Variants in CNTNAP5 observed in about 807,000 individuals in gnomAD.
CNTNAP5 encodes the protein contactin-associated protein-like 5.
A neutral mutation model predicts 150.2 loss-of-function variants in CNTNAP5; 72 were observed. The observed-to-expected ratio is 0.48, with a 90% confidence interval of 0.40 to 0.58. The LOEUF is 0.58. Among genes scored for constraint, CNTNAP5 ranks in the 20% least tolerant of loss-of-function variants. The probability of loss-of-function intolerance (pLI) is 0.00; values close to 1 mark genes in which losing one functional copy is unlikely to be tolerated. For missense variants in CNTNAP5, 1,636 were observed against 1,626.2 expected, an observed-to-expected ratio of 1.01 and a Z score of -0.10; for synonymous variants, 672 against 619.8, an observed-to-expected ratio of 1.08 and a Z score of -1.25.
At chr2:124,120,994 C>T (rs1683546895) in intron 1 of CNTNAP5, among the ~76,000 whole-genome samples, 1 of 152,044 alleles carries the variant, frequency 6.6e-6, no homozygotes, top group South Asian at 2.1e-4. Flanking sequence ...CTGGTGTTAA[C>T]AATAGTGCCA....
intron 1 of CNTNAP5, among the ~76,000 whole-genome samples, chr2:124,194,764 C>T (rs919724592): frequency 1.3e-5 from 2 of 150,926 alleles, no homozygotes; most frequent in African/African-American, 4.9e-5. Flanking sequence ...AATGTAGTAA[C>T]AATATATAAT....
intron 3 of CNTNAP5, among the ~76,000 whole-genome samples, chr2:124,256,638 T>C (rs2104595812): frequency 6.6e-6 from 1 of 152,284 alleles, no homozygotes; most frequent in Admixed American, 6.5e-5. Flanking sequence ...AATGAGTTTA[T>C]TTGGAGAAAA....
intron 3 of CNTNAP5, among the ~76,000 whole-genome samples, chr2:124,408,455 C>T (rs1470644662): frequency 2.0e-5 from 3 of 152,182 alleles, no homozygotes; most frequent in African/African-American, 7.2e-5. Flanking sequence ...AAAAAGACAG[C>T]AGTAACCTCT....
In CNTNAP5 at chr2:124,304,872, G is replaced by A. The variant is rs144296918; in HGVS notation, c.381+62479G>A. Among the ~76,000 whole-genome samples, 672 of 152,156 alleles carry A rather than the reference G, an allele frequency of 4.4e-3. 8 individuals are homozygous for A. The highest frequency in any genetic ancestry group is 0.012 in the African/African-American group (489 of 41,502). On this transcript the variant is annotated intron_variant, in intron 3 of 23. Transcript: ENST00000682447. ...CCCTATGCGAGGCACTTGGGTTCGC[G>A]GAGGGAATGCACAGCCCTGGCCCCC... is the stretch of plus-strand genomic sequence containing the variant.
chr2:124,857,681 A>G (rs993420372), intron 19 of CNTNAP5, among the ~76,000 whole-genome samples: 2 of 152,078 alleles, frequency 1.3e-5, no homozygotes, highest in African/African-American at 2.4e-5. Flanking sequence ...AAAGAAAAAA[A>G]AATGAATAGT....
intron 3 of CNTNAP5, among the ~76,000 whole-genome samples, chr2:124,356,634 G>A (rs368489765): frequency 4.6e-5 from 7 of 152,042 alleles, no homozygotes; most frequent in African/African-American, 9.6e-5. Context: ...AAGGACATGA[G>A]CTCATCATTT....
chr2:124,769,987 T>A (rs918215486), intron 16 of CNTNAP5, among the ~76,000 whole-genome samples: 1 of 152,194 alleles, frequency 6.6e-6, no homozygotes, highest in African/African-American at 2.4e-5. Flanking sequence ...CTATTTTTAT[T>A]GAATTTTACT....
At chr2:124,306,235 C>T (rs1688687326) in intron 3 of CNTNAP5, among the ~76,000 whole-genome samples, 1 of 152,112 alleles carries the variant, frequency 6.6e-6, no homozygotes, top group Non-Finnish European at 1.5e-5. Flanking sequence ...TTCCTCTCTT[C>T]CTCCCCAAAG....
chr2:124,451,475 T>C (rs1050824186), intron 6 of CNTNAP5, among the ~76,000 whole-genome samples: 14 of 152,042 alleles, frequency 9.2e-5, no homozygotes, highest in African/African-American at 3.4e-4. Flanking sequence ...AAAATCTATA[T>C]AATTATGTCA....
At chr2:124,083,130 A>G (rs2104676911) in intron 1 of CNTNAP5, among the ~76,000 whole-genome samples, 1 of 152,188 alleles carries the variant, frequency 6.6e-6, no homozygotes, top group East Asian at 1.9e-4. Flanking sequence ...AGGGCAGATC[A>G]TGAGGCCAAG....
intron 13 of CNTNAP5, among the ~76,000 whole-genome samples, chr2:124,711,536 G>T (rs891441379): frequency 2.6e-5 from 4 of 152,046 alleles, no homozygotes; most frequent in African/African-American, 9.7e-5. Context: ...CAGCAAACAG[G>T]CAACATGGCT....
At chr2:124,771,187 G>T (rs1478287162) in intron 16 of CNTNAP5, among the ~76,000 whole-genome samples, 1 of 152,112 alleles carries the variant, frequency 6.6e-6, no homozygotes, top group Non-Finnish European at 1.5e-5. Flanking sequence ...TTTAAATCTG[G>T]CAGTTGATGA....
chr2:124,817,106 C>T (rs549058768), intron 19 of CNTNAP5, among the ~76,000 whole-genome samples: 1 of 152,240 alleles, frequency 6.6e-6, no homozygotes, highest in East Asian at 1.9e-4. Flanking sequence ...CTTATATTAA[C>T]ACTAAACAAA....
chr2:124,685,767 C>CGT (rs1169030258), intron 13 of CNTNAP5, among the ~76,000 whole-genome samples: 3 of 150,756 alleles, frequency 2.0e-5, no homozygotes, highest in Middle Eastern at 3.2e-3. Flanking sequence ...TGTGTGCGCG[C>CGT]GCGTGTTATT....
intron 2 of CNTNAP5, among the ~76,000 whole-genome samples, chr2:124,233,043 T>A (rs1193693365): frequency 4.3e-5 from 1 of 23,160 alleles, no homozygotes; most frequent in Non-Finnish European, 1.1e-4. Context: ...ATCTGTGGGT[T>A]TTTTTTTTTT....
At chr2:124,525,399 G>A (rs1240880181) in intron 9 of CNTNAP5, among the ~76,000 whole-genome samples, 6 of 152,180 alleles carry the variant, frequency 3.9e-5, no homozygotes, top group Non-Finnish European at 8.8e-5. Context: ...ACATGGCAGG[G>A]GATGGGGAAA....
chr2:124,187,008 G>A (rs1378864816), intron 1 of CNTNAP5, among the ~76,000 whole-genome samples: 2 of 152,138 alleles, frequency 1.3e-5, no homozygotes, highest in African/African-American at 2.4e-5. Context: ...TGAGTTTGGG[G>A]CCTGACACTT....
At chr2:124,176,764 G>A (rs1466580109) in intron 1 of CNTNAP5, among the ~76,000 whole-genome samples, 1 of 151,664 alleles carries the variant, frequency 6.6e-6, no homozygotes, top group African/African-American at 2.4e-5. Context: ...TGGGCATGGG[G>A]CAGAACTTTC....
chr2:124,400,684 T>TG (rs1691395455), intron 3 of CNTNAP5, among the ~76,000 whole-genome samples: 24 of 130,448 alleles, frequency 1.8e-4, no homozygotes, highest in African/African-American at 3.3e-4. Flanking sequence ...TTTTTTTTTT[T>TG]TTTTGTTTTT....
Sources: gnomAD v4.1 joint callset for allele counts (sites outside exome capture counted in the v4.1 genomes callset) on GRCh38, gnomAD v4.1.1 for gene constraint, MANE v1.5 for transcripts, NCBI Gene and HGNC (gene_info 2026-07-23, HGNC 2026-07-21) for gene names.